STAMBP: variants seen among roughly 807,000 people sequenced by gnomAD.
The protein encoded by STAMBP is STAM binding protein, also known as STAM-binding protein.
Under a neutral mutation model 50.7 loss-of-function variants are expected in STAMBP, and 31 were observed. The ratio of observed to expected loss-of-function variants is 0.61; its 90% CI spans 0.46 to 0.83. The LOEUF (loss-of-function observed/expected upper bound fraction) is 0.83. Among genes scored for constraint, STAMBP ranks in the 40% least tolerant of loss-of-function variants. STAMBP has a pLI of 0.00. For missense variants in STAMBP, 472 were observed against 518.9 expected (o/e 0.91, Z 0.88); for synonymous variants, 211 against 192.4 (o/e 1.10, Z -0.80).
At position 73,847,413 on chromosome 2, in the gene STAMBP, G is replaced by GA. The variant is rs1321855810; in HGVS notation, c.404dup (p.Asn135LysfsTer65). The stretch of plus-strand genomic sequence containing the variant: ...AGAAGGAAGCAGAGGAATTGGCCCG[G>GA]AACATGGCCATCCAGCAAGAGCTGG... On this transcript the variant is annotated frameshift_variant, in exon 5 of 10. Transcript: ENST00000394070. LOFTEE classifies it high-confidence loss of function. 6.2e-7 allele frequency: 1 copy of GA among 1,612,044 alleles called. No individual in the cohort carries two copies. The highest frequency in any genetic ancestry group is 8.5e-7 in the Non-Finnish European group (1 of 1,178,590).
At chr2:73,859,460 T>C (rs1678018224) in intron 8 of STAMBP, 94 bp downstream of exon 8, 1 of 956,330 alleles carries the variant, frequency 1.0e-6, no homozygotes, top group African/African-American at 1.6e-5. Flanking sequence ...GACTTGTCCT[T>C]TGTAAAATAC....
Position 73,844,872 on chromosome 2 carries a change from A to G in STAMBP, c.263A>G (p.Lys88Arg), listed in dbSNP as rs1269497429. 27 of 1,614,016 alleles carry G rather than the reference A, an allele frequency of 1.7e-5. No homozygotes were observed. Among genetic ancestry groups the G allele is most frequent in the Non-Finnish European group, 2.3e-5 (27 of 1,179,988 alleles). ...TACAAATCTGCTGTCATTCCTGAAA[A>G]GAAAGACACAGTAAAGGTGGGTCTT... is the stretch of plus-strand genomic sequence containing the variant. ...RDYKSAVIPEKKDTVKKLKEI... is the reference protein window; with the variant it reads ...RDYKSAVIPERKDTVKKLKEI... The change falls in exon 3 of 10, where the codon AAG becomes AGG. Residue 88 changes from lysine (K) to arginine (R), a missense_variant. By Grantham distance (26) the Lys-to-Arg change is conservative. Transcript: ENST00000394070.
At chr2:73,840,406 CTCTAGGAT>C (rs1675242198) in intron 2 of STAMBP, among the ~76,000 whole-genome samples, 1 of 141,940 alleles carries the variant, frequency 7.0e-6, no homozygotes, top group African/African-American at 2.6e-5. Context: ...TTATAATGAT[CTCTAGGAT>C]AAATTCCTAG....
chr2:73,861,859 C>T (rs1027174810), intron 9 of STAMBP, among the ~76,000 whole-genome samples: 1 of 152,048 alleles, frequency 6.6e-6, no homozygotes, highest in African/African-American at 2.4e-5. Context: ...CTTTTCAGGC[C>T]GGGCACGGTG....
At chr2:73,860,651 A>G (rs1678229780) in intron 9 of STAMBP, 3 of 690,658 alleles carry the variant, frequency 4.3e-6, no homozygotes, top group Non-Finnish European at 5.3e-6. Context: ...CCTTCCTACA[A>G]AGTTCTTTTT....
At chr2:73,852,386 A>G (rs1247668428) in intron 7 of STAMBP, among the ~76,000 whole-genome samples, 1 of 152,160 alleles carries the variant, frequency 6.6e-6, no homozygotes, top group African/African-American at 2.4e-5. Flanking sequence ...AATTTCAGGT[A>G]TTGATGAGAT....
At position 73,850,197 on chromosome 2, in the gene STAMBP, G is replaced by C. The variant is rs1198936058; in HGVS notation, c.868-179G>C. ...TGGTCTCTGCATCTGTCGCTGTACA[G>C]AGTACCCCAGGCAATGTGCATCAGC... On this transcript the variant is annotated intron_variant, in intron 6 of 9. Coordinates refer to ENST00000394070, the MANE Select transcript of STAMBP (RefSeq NM_213622.4). This position sits in a 1 kb window ranked among gnomAD's most constrained non-coding sequence, Gnocchi z 4.3. Among the ~76,000 whole-genome samples, 2 of 152,198 alleles carry C rather than the reference G, an allele frequency of 1.3e-5. No homozygotes were observed. The highest frequency in any genetic ancestry group is 4.8e-5 in the African/African-American group (2 of 41,446).
chr2:73,862,485 C>A lies in STAMBP; in HGVS notation c.*226C>A. The A allele has an allele frequency of 2.9e-6, 1 of 347,432 alleles. No individual in the cohort carries two copies. The highest frequency in any genetic ancestry group is 5.2e-6 in the Non-Finnish European group (1 of 191,298). The allele number at this position is 347,432 out of a possible 1,614,324, so 21.5% of individuals were successfully genotyped here. ...TGGTCACCCAAAAGCAACTGTAACT[C>A]AGAAATTAAGTTACTCAGAAATTAA... On this transcript the variant is annotated 3_prime_UTR_variant, in exon 10 of 10. Coordinates refer to ENST00000394070, the MANE Select transcript of STAMBP (RefSeq NM_213622.4).
rs1358851002 is a variant in STAMBP, at chr2:73,866,989, T to C, written c.*4730T>C. ...TCCCCATCACTCTATCTCATCACTG[T>C]TACTGTCTGTGTAGCCCTGTCATGA... On this transcript the variant is annotated 3_prime_UTR_variant, in exon 10 of 10. Coordinates refer to ENST00000394070, the MANE Select transcript of STAMBP (RefSeq NM_213622.4). 6.6e-6 allele frequency: 1 copy of C among 152,282 alleles called. No homozygotes were observed. The highest frequency in any genetic ancestry group is 1.5e-5 in the Non-Finnish European group (1 of 68,072). 9.4% of individuals were successfully genotyped at this position (152,282 alleles called of 1,614,324 possible). A position where few individuals can be genotyped will look rare whatever the true frequency, so the allele number is the denominator to read the frequency against.
intron 10 of STAMBP, chr2:73,873,219 A>C (rs1679267847): frequency 6.6e-6 from 1 of 152,200 alleles, no homozygotes. Flanking sequence ...CATTTTAATA[A>C]ATATTTAGTG....
At chr2:73,860,669 G>C (rs1463065064) in intron 9 of STAMBP, 1 of 484,650 alleles carries the variant, frequency 2.1e-6, no homozygotes. Context: ...TTTTCCCTAT[G>C]TTGTGGTCTG....
chr2:73,860,555 T>C, intron 9 of STAMBP: 1 of 987,102 alleles, frequency 1.0e-6, no homozygotes, highest in Non-Finnish European at 1.2e-6. Context: ...ATAAGAGATT[T>C]GAAGGCAAAG....
chr2:73,861,821 C>T (rs1185454020), intron 9 of STAMBP, among the ~76,000 whole-genome samples: 1 of 151,774 alleles, frequency 6.6e-6, no homozygotes, highest in African/African-American at 2.4e-5. Flanking sequence ...GCCACCGCAC[C>T]CAGCCAAAAA....
downstream of STAMBP, among the ~76,000 whole-genome samples, chr2:73,870,747 A>G (rs1679168347): frequency 6.6e-6 from 1 of 152,164 alleles, no homozygotes; most frequent in Non-Finnish European, 1.5e-5. Flanking sequence ...CCTTCAAAAA[A>G]GTGAATGGCA....
At chr2:73,840,313 G>GTTTTTT (rs57827239) in intron 2 of STAMBP, among the ~76,000 whole-genome samples, 2 of 115,636 alleles carry the variant, frequency 1.7e-5, no homozygotes, top group Non-Finnish European at 3.8e-5. Context: ...TTAGGGGTTT[G>GTTTTTT]TTTTTTTTTT....
In STAMBP at chr2:73,847,763, T is replaced by G. The variant is rs1401496197; in HGVS notation, c.742+10T>G. ...AGCAACTCAGAAAGTAGTAAGTGCA[T>G]TTGCTGATGTCCTCTTCCTTCTCAG... On this transcript the variant is annotated intron_variant, in intron 5 of 9. Transcript: ENST00000394070. 6.2e-7 allele frequency: 1 copy of G among 1,608,236 alleles called. No homozygotes were observed. The highest frequency in any genetic ancestry group is 1.1e-5 in the South Asian group (1 of 90,490).
At chr2:73,840,593 A>G (rs1167235336) in intron 2 of STAMBP, among the ~76,000 whole-genome samples, 1 of 151,700 alleles carries the variant, frequency 6.6e-6, no homozygotes, top group Non-Finnish European at 1.5e-5. Context: ...AAAATACGCA[A>G]ATTAGCTGGG....
intron 8 of STAMBP, 125 bp downstream of exon 8, chr2:73,859,491 G>A (rs776495938): frequency 1.3e-4 from 96 of 763,570 alleles, no homozygotes; most frequent in Admixed American, 2.3e-4. Context: ...ATGTAAGTTG[G>A]TTATTCTAAA....
intron 2 of STAMBP, among the ~76,000 whole-genome samples, chr2:73,840,480 A>T (rs568998355): frequency 1.6e-3 from 245 of 152,178 alleles, no homozygotes; most frequent in African/African-American, 5.7e-3. Flanking sequence ...GCGGTGGCTC[A>T]CGCCTGTAAT....
Sources: allele counts gnomAD v4.1 joint callset (sites outside exome capture counted in the v4.1 genomes callset), GRCh38; gene constraint gnomAD v4.1.1; non-coding constraint Gnocchi (gnomAD v3.1); transcripts MANE v1.5; gene names NCBI Gene and HGNC (gene_info 2026-07-23, HGNC 2026-07-21).